POU6F2: variants seen among roughly 807,000 people sequenced by gnomAD.
POU6F2 encodes the protein POU domain, class 6, transcription factor 2.
Under a neutral mutation model 71.3 loss-of-function variants are expected in POU6F2, and 31 were observed. The observed-to-expected ratio is 0.43, with a 90% CI of 0.33 to 0.59. The LOEUF (loss-of-function observed/expected upper bound fraction) is 0.59. Ranked by LOEUF, POU6F2 falls within the 20% of genes least tolerant of loss-of-function variation. The pLI is 0.04. For synonymous variants in POU6F2, 347 were observed against 355.7 expected (o/e 0.98, Z 0.27); for missense variants, 783 against 856.8 (o/e 0.91, Z 1.07).
At chr7:39,411,083 CTG>C (rs1383201979) in intron 6 of POU6F2, among the ~76,000 whole-genome samples, 1 of 152,200 alleles carries the variant, frequency 6.6e-6, no homozygotes, top group Non-Finnish European at 1.5e-5. Context: ...CAGTTCATAA[CTG>C]TGCACAAAAA....
chr7:39,141,570 A>G (rs1263388337), intron 2 of POU6F2, among the ~76,000 whole-genome samples: 5 of 152,206 alleles, frequency 3.3e-5, no homozygotes, highest in Admixed American at 1.3e-4. Flanking sequence ...ACAGAATTTT[A>G]ATGCTTTCCA....
chr7:39,132,129 G>A (rs1056875811), intron 2 of POU6F2, among the ~76,000 whole-genome samples: 1 of 152,218 alleles, frequency 6.6e-6, no homozygotes, highest in African/African-American at 2.4e-5. Flanking sequence ...AGCAAAGGAA[G>A]TGTGTGCCAG....
At chr7:39,029,509 T>G (rs1351747070) in intron 1 of POU6F2, among the ~76,000 whole-genome samples, 1 of 151,770 alleles carries the variant, frequency 6.6e-6, no homozygotes, top group Non-Finnish European at 1.5e-5. Context: ...GGGTGGATGA[T>G]GAGAAATTAT....
rs184419975 is a variant in POU6F2, at chr7:39,317,370, A to C, written c.599-22272A>C. 1.1e-3 allele frequency among the ~76,000 whole-genome samples: 163 copies of C among 152,348 alleles called. 1 individual carries two copies. Among genetic ancestry groups the C allele is most frequent in the Middle Eastern group, 6.8e-3 (2 of 294 alleles). On this transcript the variant is annotated intron_variant, in intron 4 of 9. Transcript: ENST00000518318. ...CCTTTCTAAAGTGGATCCCTCTTTC[A>C]TAGTCCACGTTGGCTTGGAAGTCAT...
chr7:39,128,572 G>A (rs775355390), intron 2 of POU6F2, among the ~76,000 whole-genome samples: 1 of 152,200 alleles, frequency 6.6e-6, no homozygotes, highest in Non-Finnish European at 1.5e-5. Context: ...ACTTTTTGGT[G>A]TGTAAATGCA....
At chr7:39,212,363 A>C (rs368664307) in intron 4 of POU6F2, among the ~76,000 whole-genome samples, 1 of 152,188 alleles carries the variant, frequency 6.6e-6, no homozygotes, top group Non-Finnish European at 1.5e-5. Context: ...GGAGATGCCA[A>C]TGGTGAGGTT....
rs142653473 is a variant in POU6F2 at position 39,182,449 on chromosome 7, A to G, written c.278-21786A>G. ...TGCAGTCTCAATTCTCATTATTCCAATGGAACTGCCCATGCTAGGGCTTAT... is the reference window on the plus strand; with the variant it reads ...TGCAGTCTCAATTCTCATTATTCCAGTGGAACTGCCCATGCTAGGGCTTAT... On this transcript the variant is annotated intron_variant, in intron 2 of 9. Transcript: ENST00000518318. Among the ~76,000 whole-genome samples, 1,289 of 152,244 alleles carry G rather than the reference A, an allele frequency of 8.5e-3. 13 individuals carry two copies. Among genetic ancestry groups the G allele is most frequent in the Non-Finnish European group, 0.015 (1,038 of 68,022 alleles).
intron 1 of POU6F2, among the ~76,000 whole-genome samples, chr7:39,038,455 A>G (rs1790112166): frequency 6.6e-6 from 1 of 151,990 alleles, no homozygotes; most frequent in African/African-American, 2.4e-5. Flanking sequence ...GGTTTAAGTT[A>G]GTTTTAGGAA....
At chr7:39,016,801 G>A (rs1001191293) in intron 1 of POU6F2, among the ~76,000 whole-genome samples, 2 of 152,174 alleles carry the variant, frequency 1.3e-5, no homozygotes, top group Non-Finnish European at 2.9e-5. Context: ...ATGGAACAGC[G>A]CATGCATAGT....
intron 1 of POU6F2, among the ~76,000 whole-genome samples, chr7:39,049,548 A>G (rs189970738): frequency 1.9e-3 from 293 of 152,054 alleles, no homozygotes; most frequent in African/African-American, 7.0e-3. Flanking sequence ...CAATCCTTTA[A>G]ATTTATTGAG....
At chr7:39,059,069 G>A (rs1003050033) in intron 1 of POU6F2, among the ~76,000 whole-genome samples, 1 of 152,092 alleles carries the variant, frequency 6.6e-6, no homozygotes, top group Non-Finnish European at 1.5e-5. Context: ...AAGGTTCTTG[G>A]AATGCTTTTA....
At chr7:39,289,293 G>A (rs1395193530) in intron 4 of POU6F2, among the ~76,000 whole-genome samples, 1 of 152,186 alleles carries the variant, frequency 6.6e-6, no homozygotes, top group Non-Finnish European at 1.5e-5. Context: ...AGAAGGGCTG[G>A]TCCAGCCTTG....
chr7:39,037,452 A>G (rs1319713639), intron 1 of POU6F2, among the ~76,000 whole-genome samples: 1 of 152,008 alleles, frequency 6.6e-6, no homozygotes, highest in Non-Finnish European at 1.5e-5. Flanking sequence ...CATTTTTTCA[A>G]CATCTTAGAC....
chr7:39,163,213 AT>A (rs1793035107), intron 2 of POU6F2, among the ~76,000 whole-genome samples: 1 of 152,202 alleles, frequency 6.6e-6, no homozygotes, highest in Non-Finnish European at 1.5e-5. Flanking sequence ...AAATCAAGAA[AT>A]CATATCTCCC....
intron 4 of POU6F2, among the ~76,000 whole-genome samples, chr7:39,295,028 A>G (rs1280765547): frequency 1.3e-5 from 2 of 152,342 alleles, no homozygotes; most frequent in East Asian, 3.9e-4. Context: ...TCAGAGAAAC[A>G]GATTATGAAT....
intron 1 of POU6F2, among the ~76,000 whole-genome samples, chr7:39,009,500 T>C (rs1026728478): frequency 6.6e-6 from 1 of 151,544 alleles, no homozygotes; most frequent in Non-Finnish European, 1.5e-5. Flanking sequence ...TTTTCCTAAC[T>C]GAATACCCTT....
intron 5 of POU6F2, among the ~76,000 whole-genome samples, chr7:39,365,696 C>T (rs1302546999): frequency 6.6e-6 from 1 of 152,050 alleles, no homozygotes; most frequent in Non-Finnish European, 1.5e-5. Flanking sequence ...AAGAAAAAAA[C>T]AATCCCATCA....
chr7:39,427,473 A>C (rs904498906), intron 6 of POU6F2, among the ~76,000 whole-genome samples: 2 of 152,194 alleles, frequency 1.3e-5, no homozygotes, highest in African/African-American at 4.8e-5. Context: ...TTTAAATAAC[A>C]TCAGTTTTCA....
At chr7:39,323,355 T>G (rs150340271) in intron 4 of POU6F2, among the ~76,000 whole-genome samples, 1 of 152,358 alleles carries the variant, frequency 6.6e-6, no homozygotes, top group African/African-American at 2.4e-5. Context: ...GGTTGTGTTT[T>G]GTTTTGTCTT....
Sources: allele counts gnomAD v4.1 joint callset (sites outside exome capture counted in the v4.1 genomes callset), GRCh38; gene constraint gnomAD v4.1.1; transcripts MANE v1.5; gene names NCBI Gene and HGNC (gene_info 2026-07-23, HGNC 2026-07-21).